Variants in FOXK1 observed in about 807,000 individuals in gnomAD.
FOXK1 encodes forkhead box K1, also known as forkhead box protein K1.
A neutral mutation model predicts 51.9 loss-of-function variants in FOXK1; 19 were observed. The ratio of observed to expected loss-of-function variants is 0.37; its 90% CI spans 0.26 to 0.54. The LOEUF is 0.54. Ranked by LOEUF, FOXK1 falls within the 20% of genes least tolerant of loss-of-function variation. FOXK1 has a pLI of 0.87. For synonymous variants in FOXK1, 537 were observed against 482.6 expected, an observed-to-expected ratio of 1.11 and a Z score of -1.48; for missense variants, 870 against 1,032.7, an observed-to-expected ratio of 0.84 and a Z score of 2.16.
Position 4,762,731 on chromosome 7 carries a change from C to A in FOXK1, c.*267C>A, listed in dbSNP as rs1222371462. 1 of 470,970 alleles carries A rather than the reference C, an allele frequency of 2.1e-6. No homozygotes were observed. Among genetic ancestry groups the A allele is most frequent in the African/African-American group, 2.0e-5 (1 of 50,788 alleles). 29.2% of individuals were successfully genotyped at this position (470,970 alleles called of 1,614,324 possible). A position where few individuals can be genotyped will look rare whatever the true frequency, so the allele number is the denominator to read the frequency against. On this transcript the variant is annotated 3_prime_UTR_variant, in exon 9 of 9. Coordinates refer to ENST00000328914, the MANE Select transcript of FOXK1 (RefSeq NM_001037165.2). The surrounding 1 kb of genome is among the most constrained non-coding windows in gnomAD (Gnocchi z 5.7). ...CTTTCCTTCTCCCTCGGCACCACCT[C>A]CTCTCCCCAGGCCTCCCTGTCGGGC...
In FOXK1 at chr7:4,711,835, C is replaced by A. The variant is rs1360939837; in HGVS notation, c.560+28967C>A. Among the ~76,000 whole-genome samples, 1 of 152,108 alleles carries A rather than the reference C, an allele frequency of 6.6e-6. No homozygotes were observed. The highest frequency in any genetic ancestry group is 2.4e-5 in the African/African-American group (1 of 41,408). ...ACGCAAGGTCAGAGAGAAAAGATTG[C>A]GGCCGGCCGGTGTCAAGGCGGGGGA... On this transcript the variant is annotated intron_variant, in intron 1 of 8. Coordinates refer to ENST00000328914, the MANE Select transcript of FOXK1 (RefSeq NM_001037165.2). This position sits in a 1 kb window ranked among gnomAD's most constrained non-coding sequence, Gnocchi z 6.3.
At position 4,688,714 on chromosome 7, in the gene FOXK1, G is replaced by A. The variant is rs528085195; in HGVS notation, c.560+5846G>A. ...TTTTTCTCATGGAGTCACTTGTCCT[G>A]TGTAGTTCCCCACACCTGCCTTTAC... is the stretch of plus-strand genomic sequence containing the variant. On this transcript the variant is annotated intron_variant, in intron 1 of 8. Transcript: ENST00000328914. Among the ~76,000 whole-genome samples the A allele has an allele frequency of 1.5e-3, 235 of 152,230 alleles. 1 individual carries two copies. The highest frequency in any genetic ancestry group is 5.5e-3 in the African/African-American group (227 of 41,554).
At chr7:4,738,665 G>A (rs544784576) in intron 1 of FOXK1, among the ~76,000 whole-genome samples, 6 of 152,226 alleles carry the variant, frequency 3.9e-5, no homozygotes, top group South Asian at 4.1e-4. Context: ...AGATTCACTC[G>A]CTGGGCCGTG....
rs774649096 is a variant in FOXK1, at chr7:4,761,214, A to G, written c.1847A>G (p.His616Arg). The change falls in exon 8 of 9, where the codon CAC becomes CGC. Residue 616 changes from histidine to arginine, a missense_variant. Physicochemically the swap from His to Arg is conservative, Grantham distance 29 (BLOSUM62 0). This residue lies in a region of FOXK1 where 457 missense variants were observed against 510.8 expected (regional missense o/e 0.89). Transcript: ENST00000328914. This position sits in a 1 kb window ranked among gnomAD's most constrained non-coding sequence, Gnocchi z 6.2. Reference protein sequence around the residue: ...PATPVTLGQHHLPVRAVTQNG... With the variant: ...PATPVTLGQHRLPVRAVTQNG... ...ACACCCGTGACCCTCGGGCAGCACC[A>G]CCTTCCAGTCCGGGCCGTGACCCAG... 5 of 1,612,848 alleles carry G rather than the reference A, an allele frequency of 3.1e-6. 1 individual carries two copies.
intron 1 of FOXK1, among the ~76,000 whole-genome samples, chr7:4,717,665 A>G (rs1780253985): frequency 6.6e-6 from 1 of 152,132 alleles, no homozygotes; most frequent in Non-Finnish European, 1.5e-5. Flanking sequence ...CCTTCCCTGC[A>G]CCTGACCTCA....
chr7:4,706,026 G>A (rs58423555), intron 1 of FOXK1, among the ~76,000 whole-genome samples: 1,535 of 74,102 alleles, frequency 0.021, 115 homozygotes, highest in African/African-American at 0.14. Flanking sequence ...ATATATACGT[G>A]TATATACGTG....
Position 4,753,235 on chromosome 7 carries a change from C to A in FOXK1, c.747-1224C>A, listed in dbSNP as rs571513011. 6.6e-6 allele frequency among the ~76,000 whole-genome samples: 1 copy of A among 152,276 alleles called. No homozygotes were observed. The highest frequency in any genetic ancestry group is 2.1e-4 in the South Asian group (1 of 4,832). On this transcript the variant is annotated intron_variant, in intron 2 of 8. Coordinates refer to ENST00000328914, the MANE Select transcript of FOXK1 (RefSeq NM_001037165.2). This position sits in a 1 kb window ranked among gnomAD's most constrained non-coding sequence, Gnocchi z 4.9. ...AGCCACAGGATTTTTTTCATTCATT[C>A]CTCTGCTCCATCCAAAAAATGTTTC...
chr7:4,717,745 T>A (rs1780254919), intron 1 of FOXK1, among the ~76,000 whole-genome samples: 1 of 152,162 alleles, frequency 6.6e-6, no homozygotes, highest in South Asian at 2.1e-4. Flanking sequence ...GAGGAGGCGC[T>A]TGAACCCTGC....
chr7:4,694,117 G>A (rs1250468154), intron 1 of FOXK1, among the ~76,000 whole-genome samples: 1 of 152,138 alleles, frequency 6.6e-6, no homozygotes, highest in Non-Finnish European at 1.5e-5. Flanking sequence ...GAACTCCTGG[G>A]CTCACATGAT....
chr7:4,725,382 A>T (rs1780366610), intron 1 of FOXK1, among the ~76,000 whole-genome samples: 1 of 152,090 alleles, frequency 6.6e-6, no homozygotes. Flanking sequence ...GGGTGATGTC[A>T]TCGGATTTTT....
intron 1 of FOXK1, among the ~76,000 whole-genome samples, chr7:4,717,183 A>C (rs145231450): frequency 1.2e-3 from 150 of 124,240 alleles, no homozygotes; most frequent in Admixed American, 3.2e-3. Context: ...TGGGAGGTGC[A>C]TGACTGGGAG....
intron 1 of FOXK1, among the ~76,000 whole-genome samples, chr7:4,738,669 G>C (rs1780590147): frequency 6.6e-6 from 1 of 152,132 alleles, no homozygotes; most frequent in Admixed American, 6.6e-5. Context: ...TCACTCGCTG[G>C]GCCGTGCCTC....
Position 4,729,532 on chromosome 7 carries a change from G to A in FOXK1, c.561-11306G>A, listed in dbSNP as rs547065540. Reference sequence around the variant, plus strand: ...GCCATGGGGTGCTCAGGACTGCCGGGCCCCGGGAGCCCCACCCGGCAGGAC... The same window carrying A: ...GCCATGGGGTGCTCAGGACTGCCGGACCCCGGGAGCCCCACCCGGCAGGAC... On this transcript the variant is annotated intron_variant, in intron 1 of 8. Coordinates refer to ENST00000328914, the MANE Select transcript of FOXK1 (RefSeq NM_001037165.2). This position sits in a 1 kb window ranked among gnomAD's most constrained non-coding sequence, Gnocchi z 6.2. Among the ~76,000 whole-genome samples, 29 of 152,270 alleles carry A rather than the reference G, an allele frequency of 1.9e-4. No homozygotes were observed. The highest frequency in any genetic ancestry group is 6.3e-4 in the African/African-American group (26 of 41,582).
intron 1 of FOXK1, among the ~76,000 whole-genome samples, chr7:4,687,286 T>C (rs1251856069): frequency 6.6e-6 from 1 of 151,346 alleles, no homozygotes; most frequent in Non-Finnish European, 1.5e-5. Flanking sequence ...GGTTTGTTTG[T>C]TTTCGTTTTC....
Position 4,753,872 on chromosome 7 carries a change from G to A in FOXK1, c.747-587G>A, listed in dbSNP as rs1244236035. On this transcript the variant is annotated intron_variant, in intron 2 of 8. Transcript: ENST00000328914. This position sits in a 1 kb window ranked among gnomAD's most constrained non-coding sequence, Gnocchi z 4.9. ...CTCCAGCCTGGGAGGGAGAGGGGAT[G>A]AGGGCAGGGGCATCTCAGCGGCTCA... 6.6e-6 allele frequency among the ~76,000 whole-genome samples: 1 copy of A among 152,158 alleles called. No individual in the cohort carries two copies. The highest frequency in any genetic ancestry group is 1.9e-4 in the East Asian group (1 of 5,172).
At chr7:4,742,017 C>T (rs1208775352) in intron 2 of FOXK1, among the ~76,000 whole-genome samples, 1 of 152,270 alleles carries the variant, frequency 6.6e-6, no homozygotes, top group Non-Finnish European at 1.5e-5. Context: ...CATTTCTAAA[C>T]GTGGCTGGCT....
At chr7:4,708,312 A>AT (rs1780130841) in intron 1 of FOXK1, among the ~76,000 whole-genome samples, 1 of 152,002 alleles carries the variant, frequency 6.6e-6, no homozygotes, top group South Asian at 2.1e-4. Flanking sequence ...TGCCGCAGTG[A>AT]CCCCAGCCGC....
chr7:4,745,896 T>G lies in FOXK1; in HGVS notation c.746+4873T>G, dbSNP rs1229492933. Among the ~76,000 whole-genome samples the G allele has an allele frequency of 6.8e-6, 1 of 146,018 alleles. No homozygotes were observed. Among genetic ancestry groups the G allele is most frequent in the East Asian group, 2.1e-4 (1 of 4,866 alleles). On this transcript the variant is annotated intron_variant, in intron 2 of 8. Transcript: ENST00000328914. The surrounding 1 kb of genome is among the most constrained non-coding windows in gnomAD (Gnocchi z 4.3). ...CGAGACTCCATCTCAAAAAAAAAAGTGTTTTTAGGAAGGAATTAAAGTATT... is the reference window on the plus strand; with the variant it reads ...CGAGACTCCATCTCAAAAAAAAAAGGGTTTTTAGGAAGGAATTAAAGTATT...
intron 1 of FOXK1, among the ~76,000 whole-genome samples, chr7:4,736,001 T>C (rs1055508246): frequency 5.9e-5 from 9 of 152,044 alleles, no homozygotes; most frequent in African/African-American, 2.2e-4. Flanking sequence ...ATACAAAACT[T>C]AGCTGGGCTC....
Sources: allele counts gnomAD v4.1 joint callset (sites outside exome capture counted in the v4.1 genomes callset), GRCh38; gene constraint gnomAD v4.1.1; regional missense constraint gnomAD v4.1.1; non-coding constraint Gnocchi (gnomAD v3.1); transcripts MANE v1.5; gene names NCBI Gene and HGNC (gene_info 2026-07-23, HGNC 2026-07-21).